The following PSMG2 variants were observed in gnomAD, a reference collection of about 807,000 sequenced individuals.
PSMG2 encodes the protein CD40 ligand-activated specific transcript 3.
Under a neutral mutation model 31.5 loss-of-function variants are expected in PSMG2, and 21 were observed. The ratio of observed to expected loss-of-function variants is 0.67; its 90% CI spans 0.47 to 0.96. The LOEUF (loss-of-function observed/expected upper bound fraction) is 0.96. PSMG2 is among the 40% of genes least tolerant of loss of function. PSMG2 has a pLI of 0.00. For missense variants in PSMG2, 318 were observed against 321.2 expected (o/e 0.99, Z 0.08); for synonymous variants, 120 against 110.4 (o/e 1.09, Z -0.54).
intron 1 of PSMG2, among the ~76,000 whole-genome samples, chr18:12,671,752 C>T (rs1319582277): frequency 1.3e-5 from 2 of 151,100 alleles, no homozygotes; most frequent in African/African-American, 4.9e-5. Flanking sequence ...GCGATCCTTC[C>T]GCCTCAGACT....
At chr18:12,671,764 C>G (rs2038953325) in intron 1 of PSMG2, among the ~76,000 whole-genome samples, 1 of 151,534 alleles carries the variant, frequency 6.6e-6, no homozygotes, top group African/African-American at 2.4e-5. Flanking sequence ...CCTCAGACTC[C>G]CGAGTAGCTT....
chr18:12,717,829 G>C (rs1019119149), intron 3 of PSMG2, among the ~76,000 whole-genome samples: 8 of 152,098 alleles, frequency 5.3e-5, no homozygotes, highest in African/African-American at 1.9e-4. Flanking sequence ...TTGTTTCCAT[G>C]TGACCAGATT....
At chr18:12,717,115 A>AT (rs113773660) in intron 3 of PSMG2, among the ~76,000 whole-genome samples, 5,083 of 141,936 alleles carry the variant, frequency 0.036, 114 homozygotes, top group South Asian at 0.071. Flanking sequence ...ATGTGTAATA[A>AT]TTTTTTTTTT....
chr18:12,677,622 T>C (rs568553168), intron 1 of PSMG2, among the ~76,000 whole-genome samples: 34 of 152,178 alleles, frequency 2.2e-4, no homozygotes, highest in African/African-American at 7.9e-4. Context: ...AGTATACATA[T>C]TTTTTCTTTA....
At chr18:12,692,131 C>G (rs2039785872) in intron 1 of PSMG2, 1 of 152,154 alleles carries the variant, frequency 6.6e-6, no homozygotes, top group African/African-American at 2.4e-5. Context: ...GCCTGGCCAA[C>G]ATGGTGAAAC....
intron 1 of PSMG2, chr18:12,673,606 G>T (rs986605208): frequency 1.1e-5 from 10 of 917,374 alleles, no homozygotes; most frequent in Admixed American, 3.4e-5. Flanking sequence ...CAGGCTAGGC[G>T]TGGTGGCTCA....
chr18:12,686,500 TTA>T, intron 1 of PSMG2: 1 of 1,337,098 alleles, frequency 7.5e-7, no homozygotes. Context: ...TCATCCCCAA[TTA>T]TGTTTTTTTC....
intron 1 of PSMG2, among the ~76,000 whole-genome samples, chr18:12,669,995 C>CA (rs112045361): frequency 0.12 from 15,604 of 128,802 alleles, 941 homozygotes; most frequent in Non-Finnish European, 0.14. Context: ...CAAACTGTCT[C>CA]AAAAAAAAAA....
chr18:12,704,192 C>T (rs369888166), intron 1 of PSMG2, among the ~76,000 whole-genome samples: 9 of 152,230 alleles, frequency 5.9e-5, no homozygotes, highest in African/African-American at 2.2e-4. Flanking sequence ...CCTGGACAAA[C>T]AGTTACCAGT....
intron 3 of PSMG2, among the ~76,000 whole-genome samples, chr18:12,718,005 CTTTTTTCTTTTTT>C (rs948281579): frequency 4.2e-5 from 6 of 141,896 alleles, no homozygotes; most frequent in African/African-American, 1.5e-4. Flanking sequence ...TTTTCTTTTT[CTTTTTTCTTTTTT>C]TTTTTTTTTT....
rs1214853173 is a variant in PSMG2 at position 12,718,612 on chromosome 18, G to A, written c.384G>A (p.Gln128=). ...TTCTTTCAAGCAGTCATTCATATCA[G>A]CGTAATGATCTGCAGCTTCGTAGGT... ...VIVLSSSHSY[Q]RNDLQLRSTP... is the part of the protein sequence containing the mutation. The change falls in exon 4 of 7, where the codon CAG becomes CAA. Residue 128 remains glutamine, a synonymous_variant. Coordinates refer to ENST00000317615, the MANE Select transcript of PSMG2 (RefSeq NM_020232.5). 1 of 1,606,344 alleles carries A rather than the reference G, an allele frequency of 6.2e-7. No homozygotes were observed.
Position 12,725,573 on chromosome 18 carries a change from C to A in PSMG2, c.*42C>A. ...TACCTTATACCCAAAACACTTACTA[C>A]CAACACAGCTGTTAAACATTCTATA... On this transcript the variant is annotated 3_prime_UTR_variant, in exon 7 of 7. Coordinates refer to ENST00000317615, the MANE Select transcript of PSMG2 (RefSeq NM_020232.5). 1 of 1,419,020 alleles carries A rather than the reference C, an allele frequency of 7.0e-7. No individual in the cohort carries two copies. Among genetic ancestry groups the A allele is most frequent in the Non-Finnish European group, 9.8e-7 (1 of 1,016,892 alleles). 87.9% of individuals were successfully genotyped at this position (1,419,020 alleles called of 1,614,324 possible).
At chr18:12,672,540 T>C in intron 1 of PSMG2, 1 of 490,408 alleles carries the variant, frequency 2.0e-6, no homozygotes, top group South Asian at 8.5e-5. Context: ...TATATGCTGA[T>C]TTTTTTATCA....
chr18:12,724,731 C>T, intron 6 of PSMG2, 112 bp downstream of exon 6: 2 of 1,090,016 alleles, frequency 1.8e-6, no homozygotes, highest in South Asian at 3.4e-5. Context: ...TAAATATAGA[C>T]ATATCTTTAC....
At chr18:12,687,817 T>C (rs997875521) in intron 1 of PSMG2, among the ~76,000 whole-genome samples, 16 of 152,132 alleles carry the variant, frequency 1.1e-4, no homozygotes, top group African/African-American at 3.9e-4. Context: ...TAGAGAACTA[T>C]GGTTTTCTTT....
At chr18:12,701,436 G>C (rs1483873405), upstream of PSMG2, among the ~76,000 whole-genome samples, 3 of 152,252 alleles carry the variant, frequency 2.0e-5, no homozygotes, top group East Asian at 5.8e-4. Flanking sequence ...TTCATACTTT[G>C]ATCTGCCTAA....
chr18:12,708,267 C>A (rs1274964406), intron 2 of PSMG2, among the ~76,000 whole-genome samples: 1 of 152,204 alleles, frequency 6.6e-6, no homozygotes, highest in African/African-American at 2.4e-5. Context: ...CAAAGTGAGA[C>A]CCTGTCTTAA....
chr18:12,724,206 G>C (rs958904721), intron 5 of PSMG2: 4 of 276,422 alleles, frequency 1.4e-5, no homozygotes, highest in Non-Finnish European at 2.7e-5. Context: ...GTAGGTTTGG[G>C]GAGTAGGTCA....
intron 1 of PSMG2, among the ~76,000 whole-genome samples, chr18:12,669,687 C>T (rs2144961610): frequency 6.6e-6 from 1 of 152,166 alleles, no homozygotes; most frequent in African/African-American, 2.4e-5. Context: ...GCTAAATATA[C>T]AAGGTAAATT....
Sources: gnomAD v4.1 joint callset for allele counts (sites outside exome capture counted in the v4.1 genomes callset) on GRCh38, gnomAD v4.1.1 for gene constraint, MANE v1.5 for transcripts, NCBI Gene and HGNC (gene_info 2026-07-23, HGNC 2026-07-21) for gene names.